USP5: variants seen among roughly 807,000 people sequenced by gnomAD.
USP5 encodes ubiquitin specific peptidase 5.
A neutral mutation model predicts 102.5 loss-of-function variants in USP5; 24 were observed. That is an observed-to-expected ratio of 0.23 (90% CI 0.17 to 0.33). The LOEUF (loss-of-function observed/expected upper bound fraction) is 0.33, where lower values mean the gene tolerates loss of function less well. Among genes scored for constraint, USP5 ranks in the 10% least tolerant of loss-of-function variants. USP5 has a pLI of 1.00. For synonymous variants in USP5, 460 were observed against 434.8 expected (o/e 1.06, Z -0.72); for missense variants, 753 against 1,122.1 (o/e 0.67, Z 4.70).
Position 6,863,742 on chromosome 12 carries a change from A to G in USP5, c.1955-88A>G. On this transcript the variant is annotated intron_variant, in intron 15 of 19. Coordinates refer to ENST00000229268, the MANE Select transcript of USP5 (RefSeq NM_001098536.2). This position sits in a 1 kb window ranked among gnomAD's most constrained non-coding sequence, Gnocchi z 4.7. ...GGGAGAAAAATGCATGGAATGGGTGATTGGAAGAGGGCTGGGTCCTGGGGG... is the reference window on the plus strand; with the variant it reads ...GGGAGAAAAATGCATGGAATGGGTGGTTGGAAGAGGGCTGGGTCCTGGGGG... 6.7e-7 allele frequency: 1 copy of G among 1,481,726 alleles called. No homozygotes were observed. The highest frequency in any genetic ancestry group is 9.0e-7 in the Non-Finnish European group (1 of 1,114,564). 91.8% of individuals were successfully genotyped at this position (1,481,726 alleles called of 1,614,324 possible).
Position 6,861,558 on chromosome 12 carries a change from C to T in USP5, c.1614C>T (p.Ala538=), listed in dbSNP as rs1555129579. 2 of 1,599,522 alleles carry T rather than the reference C, an allele frequency of 1.3e-6. No individual in the cohort carries two copies. The highest frequency in any genetic ancestry group is 1.3e-5 in the African/African-American group (1 of 74,788). The change falls in exon 13 of 20, where the codon GCC becomes GCT. Residue 538 remains alanine, a synonymous_variant. Transcript: ENST00000229268. The surrounding 1 kb of genome is among the most constrained non-coding windows in gnomAD (Gnocchi z 4.9). ...GCTCTTGCCTGGAGGCCTACGGGGC[C>T]CCTGAGCAGGTCGATGACTTCTGGA... ...PFSSCLEAYG[A]PEQVDDFWST...
In USP5 at chr12:6,864,105, A is replaced by G. The variant is rs782817811; in HGVS notation, c.2154A>G (p.Ala718=). 148 of 1,613,870 alleles carry G rather than the reference A, an allele frequency of 9.2e-5. 1 individual carries two copies. The Admixed American group carries it at 2.5e-3, about 27-fold the overall frequency. ...CTAGTGGGCCGGGCTCCACAAGCGC[A>G]GCAGCCGACCCCCCTCCTGAGGACT... ...PGSSGPGSTS[A]AADPPPEDCV... is the part of the protein sequence containing the mutation. Residue 718 remains alanine, a synonymous_variant, in exon 17 of 20, where the codon GCA becomes GCG. Transcript: ENST00000229268. The surrounding 1 kb of genome is among the most constrained non-coding windows in gnomAD (Gnocchi z 4.8).
chr12:6,862,335 G>C, intron 13 of USP5, 135 bp from the exon 14 acceptor site: 1 of 767,130 alleles, frequency 1.3e-6, no homozygotes, highest in South Asian at 1.6e-5. Flanking sequence ...CACCTGCCCA[G>C]GGGAAGAGAA....
At chr12:6,857,548 C>A in intron 6 of USP5, 81 bp from the exon 7 acceptor site, 1 of 1,225,580 alleles carries the variant, frequency 8.2e-7, no homozygotes, top group Non-Finnish European at 1.2e-6. Flanking sequence ...CCCCTCAAGT[C>A]CCTTCTGTGC....
intron 1 of USP5, 73 bp downstream of exon 1, chr12:6,852,363 A>C (rs1408551022): frequency 1.2e-5 from 17 of 1,458,916 alleles, no homozygotes; most frequent in Non-Finnish European, 1.6e-5. Context: ...TGGGGCCTGC[A>C]AGGCTTGGGC....
In USP5 at chr12:6,858,613, A is replaced by G; in HGVS notation, c.1054A>G (p.Arg352Gly). Residue 352 changes from arginine to glycine, a missense_variant, in exon 8 of 20, where the codon AGG becomes GGG. Around this residue, in one of 3 missense-constraint regions of USP5, gnomAD observed 527 missense variants for 816.5 expected, o/e 0.65. Transcript: ENST00000229268. The surrounding 1 kb of genome is among the most constrained non-coding windows in gnomAD (Gnocchi z 4.2). ...QVLFSIPDFQ[R>G]KYVDKLEKIF... ...GCTCTTCAGCATCCCTGACTTCCAG[A>G]GGAAGTGAGTAGTGCCCTCTCCTTC... 6.2e-7 allele frequency: 1 copy of G among 1,603,228 alleles called. No individual in the cohort carries two copies. The highest frequency in any genetic ancestry group is 8.5e-7 in the Non-Finnish European group (1 of 1,171,012).
Position 6,863,917 on chromosome 12 carries a change from G to C in USP5, c.2042G>C (p.Gly681Ala). 4.3e-6 allele frequency: 7 copies of C among 1,611,140 alleles called. No individual in the cohort carries two copies. The highest frequency in any genetic ancestry group is 5.9e-6 in the Non-Finnish European group (7 of 1,178,080). ...TGCCGCAAAGCTGTCTACTACACGGGCAACAGCGGGGCTGAGGCCGCCATG... is the reference window on the plus strand; with the variant it reads ...TGCCGCAAAGCTGTCTACTACACGGCCAACAGCGGGGCTGAGGCCGCCATG... ...DACRKAVYYT[G>A]NSGAEAAMNW... The change falls in exon 16 of 20, where the codon GGC becomes GCC. Residue 681 changes from glycine to alanine, a missense_variant. Gly to Ala is a moderately conservative substitution (Grantham distance 60). Transcript: ENST00000229268. This position sits in a 1 kb window ranked among gnomAD's most constrained non-coding sequence, Gnocchi z 4.7.
In USP5 at chr12:6,859,665, G is replaced by GTTTT. The variant is rs1224789732; in HGVS notation, c.1130+127_1130+130dup. On this transcript the variant is annotated intron_variant, in intron 9 of 19. Coordinates refer to ENST00000229268, the MANE Select transcript of USP5 (RefSeq NM_001098536.2). ...GCCTTTTTTTGTTTTGTTTTGTTTT[G>GTTTT]TTTTTTGAGACGGAGTCTTGTTCTG... is the stretch of plus-strand genomic sequence containing the variant. 4.0e-6 allele frequency: 4 copies of GTTTT among 996,952 alleles called. No individual in the cohort carries two copies. The Middle Eastern group carries it at 8.1e-4, about 201-fold the overall frequency. 61.8% of individuals were successfully genotyped at this position (996,952 alleles called of 1,614,324 possible).
intron 14 of USP5, among the ~76,000 whole-genome samples, chr12:6,862,938 T>TCTCACAAGTTCTAGGCC (rs1336328353): frequency 2.6e-5 from 4 of 152,222 alleles, no homozygotes; most frequent in African/African-American, 9.6e-5. Flanking sequence ...AATCATTCTG[T>TCTCACAAGTTCTAGGCC]CTCACAAGTT....
chr12:6,859,517 C>G lies in USP5; in HGVS notation c.1106C>G (p.Pro369Arg). The G allele has an allele frequency of 6.2e-7, 1 of 1,614,184 alleles. No individual in the cohort carries two copies. The highest frequency in any genetic ancestry group is 8.5e-7 in the Non-Finnish European group (1 of 1,180,026). The change falls in exon 9 of 20, where the codon CCT (proline) becomes CGT (arginine). Residue 369 changes from proline (P) to arginine (R), a missense_variant. This residue lies in a region of USP5 where 527 missense variants were observed against 816.5 expected (regional missense o/e 0.65). Transcript: ENST00000229268. ...EKIFQNAPTD[P>R]TQDFSTQVAK... ...ATCTTCCAGAATGCCCCGACGGACC[C>G]TACCCAGGATTTCAGCACCCAGGTG...
rs760138071 is a variant in USP5 at position 6,855,955 on chromosome 12, G to A, written c.305-62G>A. 817 of 1,607,790 alleles carry A rather than the reference G, an allele frequency of 5.1e-4. No individual in the cohort carries two copies. The highest frequency in any genetic ancestry group is 6.7e-4 in the Admixed American group (40 of 59,886). On this transcript the variant is annotated intron_variant, in intron 3 of 19. Coordinates refer to ENST00000229268, the MANE Select transcript of USP5 (RefSeq NM_001098536.2). The surrounding 1 kb of genome is among the most constrained non-coding windows in gnomAD (Gnocchi z 4.6). ...GATGGGGCAAGTGAGGTGCTGGCTCGGAGGAGGGACATTGACCTGTTGTCA... is the reference window on the plus strand; with the variant it reads ...GATGGGGCAAGTGAGGTGCTGGCTCAGAGGAGGGACATTGACCTGTTGTCA...
chr12:6,856,882 G>A lies in USP5; in HGVS notation c.760G>A (p.Asp254Asn). 6.2e-7 allele frequency: 1 copy of A among 1,613,844 alleles called. No homozygotes were observed. Among genetic ancestry groups the A allele is most frequent in the African/African-American group, 1.3e-5 (1 of 75,022 alleles). Residue 254 changes from aspartate (D) to asparagine (N), a missense_variant, in exon 6 of 20, where the codon GAT (aspartate) becomes AAT (asparagine). Physicochemically the swap from Asp to Asn is conservative, Grantham distance 23. Transcript: ENST00000229268. This position sits in a 1 kb window ranked among gnomAD's most constrained non-coding sequence, Gnocchi z 5.6. ...LAVKLGTITP[D>N]GADVYSYDED... Reference sequence around the variant, plus strand: ...TGTCAAGCTGGGCACCATCACCCCTGATGGAGCTGGTACAGCCTCCCCTCC... The same window carrying A: ...TGTCAAGCTGGGCACCATCACCCCTAATGGAGCTGGTACAGCCTCCCCTCC...
At position 6,858,840 on chromosome 12, in the gene USP5, G is replaced by A. The variant is rs1174402408; in HGVS notation, c.1058+223G>A. ...TTGAGACCAGCCTGGGCAACATAGC[G>A]AGACCCTGTCTTCTCTTAAAAAAAA... is the stretch of plus-strand genomic sequence containing the variant. On this transcript the variant is annotated intron_variant, in intron 8 of 19. Transcript: ENST00000229268. The surrounding 1 kb of genome is among the most constrained non-coding windows in gnomAD (Gnocchi z 4.2). 6.7e-6 allele frequency: 3 copies of A among 444,646 alleles called. No individual in the cohort carries two copies. Among genetic ancestry groups the A allele is most frequent in the African/African-American group, 1.9e-5 (1 of 51,604 alleles). The allele number at this position is 444,646 out of a possible 1,614,324, so 27.5% of individuals were successfully genotyped here.
chr12:6,860,390 C>A lies in USP5; in HGVS notation c.1243C>A (p.Arg415=). The change falls in exon 11 of 20, where the codon CGG becomes AGG. Residue 415 remains arginine, a synonymous_variant. Transcript: ENST00000229268. The surrounding 1 kb of genome is among the most constrained non-coding windows in gnomAD (Gnocchi z 5.5). ...QKEVQDGIAP[R]MFKALIGKGH... is the part of the protein sequence containing the mutation. ...GGAAGTTCAAGATGGCATTGCCCCT[C>A]GGATGTTCAAGGCCCTCATCGGCAA... 1 of 1,614,184 alleles carries A rather than the reference C, an allele frequency of 6.2e-7. No homozygotes were observed. Among genetic ancestry groups the A allele is most frequent in the Non-Finnish European group, 8.5e-7 (1 of 1,180,034 alleles).
In USP5 at chr12:6,852,170, T is replaced by A; in HGVS notation, c.-10T>A. 2.5e-6 allele frequency: 4 copies of A among 1,607,502 alleles called. No individual in the cohort carries two copies. Among genetic ancestry groups the A allele is most frequent in the Non-Finnish European group, 3.4e-6 (4 of 1,177,490 alleles). On this transcript the variant is annotated 5_prime_UTR_variant, in exon 1 of 20. Transcript: ENST00000229268. The stretch of plus-strand genomic sequence containing the variant: ...GAGCCGCCGTGTGTGGAGAAGCTGC[T>A]GCCGGTGTCATGGCGGAGCTGAGTG...
rs76083908 is a variant in USP5, at chr12:6,860,158, C to T, written c.1138C>T (p.Leu380=). Residue 380 remains leucine, a synonymous_variant, in exon 10 of 20, where the codon CTG becomes TTG. Coordinates refer to ENST00000229268, the MANE Select transcript of USP5 (RefSeq NM_001098536.2). The surrounding 1 kb of genome is among the most constrained non-coding windows in gnomAD (Gnocchi z 5.5). ...TQDFSTQVAK[L]GHGLLSGEYS... ...TCTTGGATATTAATGCAGGGCCAAG[C>T]TGGGCCATGGCCTTCTCTCCGGGGA... 4.2e-3 allele frequency: 6,716 copies of T among 1,607,256 alleles called. 243 individuals are homozygous for T. The African/African-American group carries it at 0.079, about 19-fold the overall frequency.
Position 6,858,591 on chromosome 12 carries a change from C to T in USP5, c.1032C>T (p.Leu344=). Reference sequence around the variant, plus strand: ...ACCTCAACTCTGTGGTCCAGGTGCTCTTCAGCATCCCTGACTTCCAGAGGA... The same window carrying T: ...ACCTCAACTCTGTGGTCCAGGTGCTTTTCAGCATCCCTGACTTCCAGAGGA... ...SCYLNSVVQV[L]FSIPDFQRKY... Residue 344 remains leucine (L), a synonymous_variant, in exon 8 of 20, where the codon CTC becomes CTT. Coordinates refer to ENST00000229268, the MANE Select transcript of USP5 (RefSeq NM_001098536.2). This position sits in a 1 kb window ranked among gnomAD's most constrained non-coding sequence, Gnocchi z 4.2. 1.2e-6 allele frequency: 2 copies of T among 1,608,376 alleles called. No individual in the cohort carries two copies. Among genetic ancestry groups the T allele is most frequent in the Non-Finnish European group, 8.5e-7 (1 of 1,175,148 alleles).
Position 6,856,119 on chromosome 12 carries a change from T to G in USP5, c.407T>G (p.Leu136Arg). The G allele has an allele frequency of 6.2e-7, 1 of 1,614,126 alleles. No individual in the cohort carries two copies. Among genetic ancestry groups the G allele is most frequent in the African/African-American group, 1.3e-5 (1 of 75,018 alleles). Residue 136 changes from leucine (L) to arginine (R), a missense_variant, in exon 4 of 20, where the codon CTG becomes CGG. By Grantham distance (102) the Leu-to-Arg change is moderately radical (BLOSUM62 -2). Transcript: ENST00000229268. This position sits in a 1 kb window ranked among gnomAD's most constrained non-coding sequence, Gnocchi z 5.6. ...PDYLEIARDG[L>R]GGLPDIVRDR... ...TACCTGGAGATTGCCCGGGATGGAC[T>G]GGGGGGACTGCCTGACATTGTCAGA...
chr12:6,863,102 G>T lies in USP5; in HGVS notation c.1763-84G>T. ...CAGCTCCTCTTTACAGAGCAGTTCT[G>T]ACATAGGGGGCAGGGGATTGAGGTT... On this transcript the variant is annotated intron_variant, in intron 14 of 19. Transcript: ENST00000229268. The surrounding 1 kb of genome is among the most constrained non-coding windows in gnomAD (Gnocchi z 4.7). 1 of 1,399,636 alleles carries T rather than the reference G, an allele frequency of 7.1e-7. No individual in the cohort carries two copies. The highest frequency in any genetic ancestry group is 1.4e-5 in the South Asian group (1 of 72,264). 86.7% of individuals were successfully genotyped at this position (1,399,636 alleles called of 1,614,324 possible).
Sources: allele counts gnomAD v4.1 joint callset (sites outside exome capture counted in the v4.1 genomes callset), GRCh38; gene constraint gnomAD v4.1.1; regional missense constraint gnomAD v4.1.1; non-coding constraint Gnocchi (gnomAD v3.1); transcripts MANE v1.5; gene names NCBI Gene and HGNC (gene_info 2026-07-23, HGNC 2026-07-21).